Variants in ZNF185 observed in about 807,000 individuals in gnomAD.
The protein encoded by ZNF185 is zinc finger protein 185 with LIM domain.
ZNF185 carries 56 observed loss-of-function variants against 58.6 expected under a neutral mutation model. The observed-to-expected ratio is 0.95, with a 90% CI of 0.77 to 1.19. ZNF185 has a LOEUF of 1.19. ZNF185 is among the 50% of genes most tolerant of loss of function. The probability of loss-of-function intolerance (pLI) is 0.00; values close to 1 mark genes in which losing one functional copy is unlikely to be tolerated. For missense variants in ZNF185, 627 were observed against 573.5 expected (o/e 1.09, Z -0.95); for synonymous variants, 230 against 215.9 (o/e 1.07, Z -0.57).
At chrX:152,934,520 A>G (rs1476167488) in intron 14 of ZNF185, among the ~76,000 whole-genome samples, 2 of 112,313 alleles carry the variant, frequency 1.8e-5, no homozygotes, top group Admixed American at 9.4e-5. Context: ...TTACCTATAT[A>G]GTAGTCCCTA....
intron 11 of ZNF185, among the ~76,000 whole-genome samples, chrX:152,924,200 G>C (rs1011953834): frequency 1.8e-5 from 2 of 111,438 alleles, no homozygotes; most frequent in Non-Finnish European, 3.8e-5. Context: ...CTGCAGCCTC[G>C]ACCTTCCAGG....
intron 16 of ZNF185, among the ~76,000 whole-genome samples, chrX:152,953,252 G>GA (rs1386825972): frequency 9.8e-5 from 11 of 112,022 alleles, no homozygotes; most frequent in African/African-American, 3.6e-4. Flanking sequence ...CTGCTCAACA[G>GA]AGTCAGGGGT....
the ZNF185 span, among the ~76,000 whole-genome samples, chrX:152,904,802 A>T: frequency 9.0e-6 from 1 of 111,609 alleles, no homozygotes; most frequent in African/African-American, 3.3e-5. Context: ...CCTCCCCGGG[A>T]AGTATCATTG....
chrX:152,911,137 G>A (rs1025332204), upstream of ZNF185, among the ~76,000 whole-genome samples: 2 of 111,942 alleles, frequency 1.8e-5, no homozygotes, highest in African/African-American at 6.5e-5. Context: ...GGGAGTTAGG[G>A]GAGGGGAGCA....
At chrX:152,941,039 T>C (rs1190645557) in intron 15 of ZNF185, among the ~76,000 whole-genome samples, 4 of 112,553 alleles carry the variant, frequency 3.6e-5, no homozygotes, top group African/African-American at 1.3e-4. Flanking sequence ...AAGTGTCCAT[T>C]CATTCAGCTG....
At chrX:152,920,256 T>C in intron 7 of ZNF185, 72 bp from the exon 9 acceptor site, 1 of 1,115,670 alleles carries the variant, frequency 9.0e-7, no homozygotes, top group Non-Finnish European at 1.2e-6. Flanking sequence ...CCCGAGTCCA[T>C]CCCAGGCTAG....
intron 14 of ZNF185, among the ~76,000 whole-genome samples, chrX:152,933,971 C>T (rs2045983973): frequency 8.9e-6 from 1 of 112,592 alleles, no homozygotes. Flanking sequence ...GCCTCTGAAA[C>T]CACTGTCTCC....
intron 16 of ZNF185, among the ~76,000 whole-genome samples, chrX:152,951,949 G>A (rs1005206527): frequency 8.9e-6 from 1 of 112,236 alleles, no homozygotes; most frequent in Non-Finnish European, 1.9e-5. Context: ...TTACCAAAAA[G>A]ATTTTAGAAA....
At chrX:152,950,629 CTAAT>C (rs1224614643) in intron 16 of ZNF185, among the ~76,000 whole-genome samples, 1 of 111,435 alleles carries the variant, frequency 9.0e-6, no homozygotes, top group East Asian at 2.8e-4. Context: ...TTAAATAAGA[CTAAT>C]TAGTTTTTGC....
At chrX:152,910,862 T>C (rs1937071562), upstream of ZNF185, among the ~76,000 whole-genome samples, 1 of 112,332 alleles carries the variant, frequency 8.9e-6, no homozygotes, top group Admixed American at 9.4e-5. Flanking sequence ...TCAAGGCTGC[T>C]TACATCCGTA....
intron 11 of ZNF185, among the ~76,000 whole-genome samples, chrX:152,923,683 TAAG>T (rs1940236608): frequency 1.8e-5 from 2 of 112,178 alleles, no homozygotes; most frequent in Non-Finnish European, 3.8e-5. Context: ...CGGATTCTCA[TAAG>T]GAGCGCACAA....
intron 14 of ZNF185, among the ~76,000 whole-genome samples, chrX:152,936,845 C>T (rs1380375339): frequency 9.1e-6 from 1 of 110,298 alleles, no homozygotes; most frequent in Non-Finnish European, 1.9e-5. Flanking sequence ...GCTGTAGGGA[C>T]TACAGCCAGG....
At chrX:152,915,167 C>T (rs1938173590) in exon 3 of ZNF185, 1 of 1,210,459 alleles carries the variant, frequency 8.3e-7, no homozygotes, top group South Asian at 1.8e-5. Flanking sequence ...AGTCGCGCCA[C>T]ATCCTTTTCA....
rs1313206390 is a variant in ZNF185, at chrX:152,915,334, A to G, written c.224+131A>G. 6.8e-5 allele frequency: 43 copies of G among 636,157 alleles called. No homozygotes were observed. In the African/African-American group the frequency reaches 9.2e-4, roughly 14 times the overall value. 52.4% of individuals were successfully genotyped at this position (636,157 alleles called of 1,213,427 possible). On this transcript the variant is annotated intron_variant, in intron 3 of 22. Coordinates refer to ENST00000449285, the Ensembl canonical transcript of ZNF185. ...ATGCAGCCCCAGCCAAGGGTCTGCA[A>G]TGAGTAATTTGAAATCTGCAGGAAG...
At chrX:152,899,130 G>A in the ZNF185 span, among the ~76,000 whole-genome samples, 2 of 112,277 alleles carry the variant, frequency 1.8e-5, no homozygotes, top group African/African-American at 6.5e-5. Context: ...TTGGCATCAT[G>A]GGAGGCCCCA....
intron 16 of ZNF185, among the ~76,000 whole-genome samples, chrX:152,951,175 C>T (rs371971358): frequency 8.8e-4 from 94 of 107,041 alleles, no homozygotes; most frequent in Admixed American, 4.9e-3. Flanking sequence ...AGGCTGGTCT[C>T]GAACTCCTGA....
At chrX:152,945,900 A>AGAGAGAGAGAGGCCAGAGG (rs2047739697) in intron 16 of ZNF185, among the ~76,000 whole-genome samples, 1 of 111,507 alleles carries the variant, frequency 9.0e-6, no homozygotes, top group Non-Finnish European at 1.9e-5. Flanking sequence ...AGAGTGAAGC[A>AGAGAGAGAGAGGCCAGAGG]GAGAGAGAGA....
the ZNF185 span, among the ~76,000 whole-genome samples, chrX:152,900,473 G>A: frequency 3.5e-5 from 4 of 113,247 alleles, no homozygotes; most frequent in Non-Finnish European, 5.6e-5. Flanking sequence ...CCCACTGCCA[G>A]TCCCTGGCGG....
At chrX:152,950,493 C>T (rs1556899026) in intron 16 of ZNF185, among the ~76,000 whole-genome samples, 3 of 111,624 alleles carry the variant, frequency 2.7e-5, no homozygotes, top group Non-Finnish European at 5.6e-5. Context: ...TGAAACCCCG[C>T]TAGGAATTCT....
Sources: allele counts gnomAD v4.1 joint callset (sites outside exome capture counted in the v4.1 genomes callset), GRCh38; gene constraint gnomAD v4.1.1; transcripts MANE v1.5; gene names NCBI Gene and HGNC (gene_info 2026-07-23, HGNC 2026-07-21).